The following POLR1A variants were observed in gnomAD, a reference collection of about 807,000 sequenced individuals.
POLR1A encodes the protein RNA polymerase I subunit A.
In POLR1A, 84 loss-of-function variants were observed where a neutral mutation model predicts 205.3. The observed-to-expected ratio is 0.41, with a 90% CI of 0.34 to 0.49. The LOEUF is 0.49. Ranked by LOEUF, POLR1A falls within the 20% of genes least tolerant of loss-of-function variation. POLR1A has a pLI of 0.22. For synonymous variants in POLR1A, 799 were observed against 863.7 expected, an observed-to-expected ratio of 0.93 and a Z score of 1.31; for missense variants, 1,645 against 2,204.5, an observed-to-expected ratio of 0.75 and a Z score of 5.08.
chr2:86,035,034 C>A (rs1672469246), intron 27 of POLR1A, among the ~76,000 whole-genome samples: 1 of 152,238 alleles, frequency 6.6e-6, no homozygotes, highest in South Asian at 2.1e-4. Context: ...CCATGCCCGA[C>A]TAATTTTTCT....
intron 16 of POLR1A, among the ~76,000 whole-genome samples, chr2:86,051,158 G>C (rs1226137568): frequency 1.3e-5 from 2 of 149,140 alleles, no homozygotes; most frequent in Non-Finnish European, 3.0e-5. Context: ...ATGTAGACTT[G>C]TATTAGCTGA....
In POLR1A at chr2:86,022,116, C is replaced by T. The variant is rs903522721; in HGVS notation, c.*5307G>A. ...TAAGTGGAAACCTCTCATGGAGCTG[C>T]TTGTAGGAAACGCTGGCTGGCTGAG... On this transcript the variant is annotated 3_prime_UTR_variant, in exon 34 of 34. Coordinates refer to ENST00000263857, the MANE Select transcript of POLR1A (RefSeq NM_015425.6). 15 of 152,282 alleles carry T rather than the reference C, an allele frequency of 9.9e-5. No individual in the cohort carries two copies. The highest frequency in any genetic ancestry group is 2.1e-4 in the Non-Finnish European group (14 of 68,084). The allele number at this position is 152,282 out of a possible 1,614,324, so 9.4% of individuals were successfully genotyped here. A position where few individuals can be genotyped will look rare whatever the true frequency, so the allele number is the denominator to read the frequency against.
At chr2:86,048,301 C>A (rs144175719) in intron 18 of POLR1A, among the ~76,000 whole-genome samples, 5 of 152,352 alleles carry the variant, frequency 3.3e-5, no homozygotes, top group African/African-American at 1.2e-4. Flanking sequence ...GTGGTTTCAG[C>A]TCATGCAGAG....
chr2:86,049,225 C>A lies in POLR1A; in HGVS notation c.2410G>T (p.Val804Leu). The change falls in exon 17 of 34, where the codon GTG becomes TTG. Residue 804 changes from valine (V) to leucine (L), a missense_variant. By Grantham distance (32) the Val-to-Leu change is conservative. Transcript: ENST00000263857. ...CTCTTGACATCTGCCTTTGGCTTCA[C>A]CAAAATGTCTTCCACGCCTGTGAAG... ...GFTLGVEDILVKPKADVKRQR... is the reference protein window; with the variant it reads ...GFTLGVEDILLKPKADVKRQR... 1.2e-6 allele frequency: 2 copies of A among 1,613,784 alleles called. No homozygotes were observed. Among genetic ancestry groups the A allele is most frequent in the Non-Finnish European group, 1.7e-6 (2 of 1,179,708 alleles).
intron 6 of POLR1A, among the ~76,000 whole-genome samples, chr2:86,087,145 A>G (rs1344513499): frequency 6.6e-6 from 1 of 152,234 alleles, no homozygotes; most frequent in Non-Finnish European, 1.5e-5. Flanking sequence ...TATGTTATAC[A>G]GTAGGGCAAA....
chr2:86,033,454 C>G (rs1051669888), intron 28 of POLR1A, among the ~76,000 whole-genome samples: 2 of 152,280 alleles, frequency 1.3e-5, no homozygotes, highest in African/African-American at 4.8e-5. Context: ...CTACACCATG[C>G]TGCCTGGCAG....
chr2:86,058,204 G>T (rs1048237847), intron 14 of POLR1A, among the ~76,000 whole-genome samples: 3 of 152,182 alleles, frequency 2.0e-5, no homozygotes, highest in Non-Finnish European at 2.9e-5. Flanking sequence ...GGGTTCAAGT[G>T]ATTCTTTTGC....
chr2:86,086,780 C>T (rs531482446), intron 6 of POLR1A, among the ~76,000 whole-genome samples: 1 of 152,284 alleles, frequency 6.6e-6, no homozygotes, highest in Non-Finnish European at 1.5e-5. Flanking sequence ...GGACATTTGC[C>T]CCACGAAAAC....
intron 13 of POLR1A, among the ~76,000 whole-genome samples, chr2:86,068,810 G>C (rs947579535): frequency 1.3e-5 from 2 of 152,216 alleles, no homozygotes; most frequent in African/African-American, 4.8e-5. Context: ...GGTGGGAAAA[G>C]GGTCCGGGAT....
At chr2:86,104,158 AT>A (rs1229206791) in intron 1 of POLR1A, among the ~76,000 whole-genome samples, 1 of 152,184 alleles carries the variant, frequency 6.6e-6, no homozygotes, top group Non-Finnish European at 1.5e-5. Context: ...TGCAAGAATA[AT>A]TTTGACAGCA....
At chr2:86,098,447 T>A (rs1558787686) in intron 3 of POLR1A, among the ~76,000 whole-genome samples, 164 bp downstream of exon 3, 1 of 152,242 alleles carries the variant, frequency 6.6e-6, no homozygotes, top group Admixed American at 6.5e-5. Context: ...ATTATTCTTA[T>A]AGCTTCCTGT....
At chr2:86,035,988 A>C (rs541048101) in intron 27 of POLR1A, among the ~76,000 whole-genome samples, 2 of 152,290 alleles carry the variant, frequency 1.3e-5, no homozygotes, top group South Asian at 4.1e-4. Flanking sequence ...TTTTGCCAAG[A>C]GCAGGGGAAC....
Position 86,031,375 on chromosome 2 carries a change from G to A in POLR1A, c.4533C>T (p.Phe1511=). ...RVQAVREIHP[F]IDDYQYDTEE... ...CGGTGTCGTACTGGTAGTCATCTAT[G>A]AACGGGTGGATCTCACGCACAGCCT... The change falls in exon 30 of 34, where the codon TTC becomes TTT. Residue 1511 remains phenylalanine, a synonymous_variant. Coordinates refer to ENST00000263857, the MANE Select transcript of POLR1A (RefSeq NM_015425.6). 1.2e-6 allele frequency: 2 copies of A among 1,601,498 alleles called. No homozygotes were observed. The highest frequency in any genetic ancestry group is 1.7e-6 in the Non-Finnish European group (2 of 1,172,280).
intron 27 of POLR1A, among the ~76,000 whole-genome samples, chr2:86,037,228 C>G (rs946939998): frequency 6.6e-6 from 1 of 152,252 alleles, no homozygotes; most frequent in African/African-American, 2.4e-5. Flanking sequence ...GAGGACCACT[C>G]GACAGAAGGA....
rs1220044005 is a variant in POLR1A, at chr2:86,042,018, G to A, written c.3443C>T (p.Ser1148Phe). The A allele has an allele frequency of 1.2e-6, 2 of 1,614,078 alleles. No individual in the cohort carries two copies. The highest frequency in any genetic ancestry group is 4.5e-5 in the East Asian group (2 of 44,890). ...KAAACPDPSL[S>F]VWRPDIYFAS... Reference sequence around the variant, plus strand: ...AAAGTAGATGTCAGGACGCCAGACAGACAGACTGGGGTCAGGACAAGCGGC... The same window carrying A: ...AAAGTAGATGTCAGGACGCCAGACAAACAGACTGGGGTCAGGACAAGCGGC... Residue 1148 changes from serine (S) to phenylalanine (F), a missense_variant, in exon 24 of 34, where the codon TCT (serine) becomes TTT (phenylalanine). Ser to Phe is a radical substitution (Grantham distance 155). Transcript: ENST00000263857.
chr2:86,050,508 G>A (rs1198135489), intron 16 of POLR1A, among the ~76,000 whole-genome samples: 3 of 152,168 alleles, frequency 2.0e-5, no homozygotes, highest in Admixed American at 1.3e-4. Context: ...GGGCTGGAGT[G>A]AAGTCAATCT....
intron 12 of POLR1A, among the ~76,000 whole-genome samples, chr2:86,072,119 C>T (rs1673189119): frequency 1.3e-5 from 2 of 152,336 alleles, no homozygotes; most frequent in South Asian, 2.1e-4. Context: ...TAAAAGTTTT[C>T]TCTCTCTAGC....
intron 21 of POLR1A, 35 bp from the exon 22 acceptor site, chr2:86,044,339 C>T: frequency 6.2e-7 from 1 of 1,611,748 alleles, no homozygotes; most frequent in Non-Finnish European, 8.5e-7. Context: ...CCCCGCCGGC[C>T]CATCACCTCC....
At chr2:86,092,223 G>C (rs1294639382) in intron 3 of POLR1A, among the ~76,000 whole-genome samples, 1 of 152,200 alleles carries the variant, frequency 6.6e-6, no homozygotes, top group Non-Finnish European at 1.5e-5. Flanking sequence ...GCTACATCTG[G>C]ACTGGAAAGA....
Sources: gnomAD v4.1 joint callset for allele counts (sites outside exome capture counted in the v4.1 genomes callset) on GRCh38, gnomAD v4.1.1 for gene constraint, MANE v1.5 for transcripts, NCBI Gene and HGNC (gene_info 2026-07-23, HGNC 2026-07-21) for gene names.